FBXL17: variants seen among roughly 807,000 people sequenced by gnomAD.
FBXL17 encodes F-box/LRR-repeat protein 17.
Under a neutral mutation model 66.2 loss-of-function variants are expected in FBXL17, and 22 were observed. The observed-to-expected ratio is 0.33, with a 90% CI of 0.24 to 0.47. The LOEUF (loss-of-function observed/expected upper bound fraction) is 0.47, where lower values mean the gene tolerates loss of function less well. FBXL17 is among the 20% of genes least tolerant of loss of function. FBXL17 has a pLI of 1.00. For missense variants in FBXL17, 878 were observed against 948.2 expected, an observed-to-expected ratio of 0.93 and a Z score of 0.97; for synonymous variants, 474 against 400.5, an observed-to-expected ratio of 1.18 and a Z score of -2.19.
At chr5:108,374,080 AC>A (rs1167664663) in intron 1 of FBXL17, among the ~76,000 whole-genome samples, 5 of 152,226 alleles carry the variant, frequency 3.3e-5, no homozygotes, top group African/African-American at 2.4e-5. Flanking sequence ...AAGGAAAAAA[AC>A]CAAAAAGAGT....
At chr5:108,162,977 C>G (rs1752271287) in intron 6 of FBXL17, among the ~76,000 whole-genome samples, 1 of 152,050 alleles carries the variant, frequency 6.6e-6, no homozygotes, top group South Asian at 2.1e-4. Context: ...AGCACAGTGC[C>G]TAACATATTA....
At chr5:108,219,009 C>T (rs1754732440) in intron 5 of FBXL17, among the ~76,000 whole-genome samples, 1 of 152,152 alleles carries the variant, frequency 6.6e-6, no homozygotes, top group Admixed American at 6.5e-5. Flanking sequence ...TAGGTCATGA[C>T]ATAATTATCC....
intron 7 of FBXL17, among the ~76,000 whole-genome samples, chr5:107,971,185 C>G (rs771061714): frequency 2.6e-5 from 4 of 152,142 alleles, no homozygotes; most frequent in Non-Finnish European, 4.4e-5. Flanking sequence ...CTTCACCAGG[C>G]AGAACTGGGC....
chr5:108,358,106 A>C (rs901034570), intron 3 of FBXL17, among the ~76,000 whole-genome samples: 11 of 152,138 alleles, frequency 7.2e-5, no homozygotes, highest in African/African-American at 2.4e-4. Flanking sequence ...TTCTATTCAT[A>C]AAATAATGTC....
intron 7 of FBXL17, among the ~76,000 whole-genome samples, chr5:107,990,812 G>T (rs1753210236): frequency 6.6e-6 from 1 of 152,104 alleles, no homozygotes; most frequent in Non-Finnish European, 1.5e-5. Context: ...CCTATCTCAT[G>T]GTGTCTTGTG....
chr5:108,014,334 C>A (rs533149025), intron 7 of FBXL17, among the ~76,000 whole-genome samples: 1 of 152,074 alleles, frequency 6.6e-6, no homozygotes, highest in Non-Finnish European at 1.5e-5. Flanking sequence ...GAACAACATA[C>A]ATGTACTTCA....
chr5:108,329,093 C>T (rs1187674163), intron 4 of FBXL17, among the ~76,000 whole-genome samples: 2 of 152,012 alleles, frequency 1.3e-5, no homozygotes, highest in Admixed American at 1.3e-4. Flanking sequence ...TTAAAATATA[C>T]TTATGTAAGA....
intron 4 of FBXL17, among the ~76,000 whole-genome samples, chr5:108,291,555 CT>C (rs1218715719): frequency 6.6e-6 from 1 of 152,154 alleles, no homozygotes; most frequent in Non-Finnish European, 1.5e-5. Flanking sequence ...TCTCTTTACC[CT>C]TTCTTAGAGG....
chr5:108,360,656 T>C (rs73216340), intron 3 of FBXL17, among the ~76,000 whole-genome samples: 2,569 of 152,256 alleles, frequency 0.017, 73 homozygotes, highest in African/African-American at 0.056. Context: ...TGGGCCATTA[T>C]TTCTGCAAAT....
At chr5:107,978,755 G>C (rs1257009982) in intron 7 of FBXL17, among the ~76,000 whole-genome samples, 1 of 152,154 alleles carries the variant, frequency 6.6e-6, no homozygotes, top group African/African-American at 2.4e-5. Flanking sequence ...CAATCTCCAA[G>C]CCTTCGGAGA....
chr5:108,003,367 A>T (rs1028936084), intron 7 of FBXL17, among the ~76,000 whole-genome samples: 1 of 152,202 alleles, frequency 6.6e-6, no homozygotes, highest in Non-Finnish European at 1.5e-5. Context: ...GGTGGAGCAA[A>T]CACAGATCTT....
intron 8 of FBXL17, among the ~76,000 whole-genome samples, chr5:107,865,880 T>C (rs1748256227): frequency 1.3e-5 from 2 of 152,186 alleles, no homozygotes; most frequent in Admixed American, 1.3e-4. Context: ...ACCTTTTCTT[T>C]GTATGGACTC....
chr5:108,117,390 C>T (rs1193037518), intron 6 of FBXL17, among the ~76,000 whole-genome samples: 2 of 152,052 alleles, frequency 1.3e-5, no homozygotes, highest in Admixed American at 6.6e-5. Flanking sequence ...TATAAGCTAA[C>T]TGATTGCTAA....
intron 6 of FBXL17, among the ~76,000 whole-genome samples, chr5:108,068,559 G>A (rs1454416788): frequency 6.6e-6 from 1 of 151,928 alleles, no homozygotes; most frequent in East Asian, 1.9e-4. Context: ...GGGTTCAAGC[G>A]ATTCTCCCAC....
chr5:108,252,810 GCT>G, intron 4 of FBXL17, among the ~76,000 whole-genome samples: 1 of 152,240 alleles, frequency 6.6e-6, no homozygotes, highest in East Asian at 1.9e-4. Context: ...TCACCCCAAA[GCT>G]GGGTAAAAGG....
intron 4 of FBXL17, among the ~76,000 whole-genome samples, chr5:108,339,249 A>T (rs1391498227): frequency 2.6e-5 from 4 of 152,224 alleles, no homozygotes; most frequent in African/African-American, 9.6e-5. Context: ...TACTGTGGAT[A>T]AAAACATAAG....
chr5:108,195,167 TAAATA>T, intron 5 of FBXL17, among the ~76,000 whole-genome samples: 1 of 151,506 alleles, frequency 6.6e-6, no homozygotes, highest in African/African-American at 2.4e-5. Flanking sequence ...GAGGGGGCAA[TAAATA>T]AAATAAATAA....
At chr5:108,093,715 A>G (rs1297628080) in intron 6 of FBXL17, among the ~76,000 whole-genome samples, 2 of 152,204 alleles carry the variant, frequency 1.3e-5, no homozygotes, top group African/African-American at 4.8e-5. Flanking sequence ...TTATACGCAG[A>G]CCTCAGAATT....
chr5:108,318,241 GAAC>G (rs1482233591), intron 4 of FBXL17, among the ~76,000 whole-genome samples: 1 of 151,590 alleles, frequency 6.6e-6, no homozygotes, highest in Non-Finnish European at 1.5e-5. Flanking sequence ...CTCAGTAACA[GAAC>G]AATAATACAC....
Sources: allele counts gnomAD v4.1 joint callset (sites outside exome capture counted in the v4.1 genomes callset), GRCh38; gene constraint gnomAD v4.1.1; transcripts MANE v1.5; gene names NCBI Gene and HGNC (gene_info 2026-07-23, HGNC 2026-07-21).